MYT1L: variants seen among roughly 807,000 people sequenced by gnomAD.
MYT1L encodes the protein myelin transcription factor 1 like.
MYT1L carries 12 observed loss-of-function variants against 126.7 expected under a neutral mutation model. The ratio of observed to expected loss-of-function variants is 0.09; its 90% CI spans 0.06 to 0.15. The LOEUF is 0.15. Among genes scored for constraint, MYT1L ranks in the 10% least tolerant of loss-of-function variants. The pLI is 1.00. For missense variants in MYT1L, 979 were observed against 1,585.2 expected, an observed-to-expected ratio of 0.62 and a Z score of 6.49; for synonymous variants, 541 against 604.2, an observed-to-expected ratio of 0.90 and a Z score of 1.53.
chr2:1,868,170 C>T (rs1156231296), intron 18 of MYT1L, among the ~76,000 whole-genome samples: 3 of 152,110 alleles, frequency 2.0e-5, no homozygotes, highest in Non-Finnish European at 2.9e-5. Context: ...ACCAGGTTGG[C>T]CAGGCTGGTT....
chr2:2,204,671 C>A (rs1472919399), intron 2 of MYT1L, among the ~76,000 whole-genome samples: 4 of 151,144 alleles, frequency 2.6e-5, no homozygotes, highest in South Asian at 2.1e-4. Flanking sequence ...GTGGGACTGT[C>A]AACTAGTTCA....
intron 18 of MYT1L, among the ~76,000 whole-genome samples, chr2:1,856,159 A>G (rs1364664806): frequency 1.3e-5 from 2 of 152,150 alleles, no homozygotes; most frequent in Non-Finnish European, 2.9e-5. Context: ...AGCATTTGGA[A>G]CTCTGACTTT....
At chr2:2,271,719 TG>T (rs2095267126) in intron 2 of MYT1L, among the ~76,000 whole-genome samples, 1 of 152,096 alleles carries the variant, frequency 6.6e-6, no homozygotes, top group Non-Finnish European at 1.5e-5. Flanking sequence ...GGCTGTCAAA[TG>T]GCCACACTCG....
At position 2,322,038 on chromosome 2, in the gene MYT1L, C is replaced by T. The variant is rs983137448; in HGVS notation, c.-521+8929G>A. Among the ~76,000 whole-genome samples the T allele has an allele frequency of 7.9e-5, 12 of 152,148 alleles. No individual in the cohort carries two copies. In the East Asian group the frequency reaches 1.2e-3, roughly 15 times the overall value. ...GGCATTTAAAAAATACACATATACA[C>T]GCACTCACAAAATCATGGAAGAGGG... On this transcript the variant is annotated intron_variant, in intron 1 of 24. Transcript: ENST00000647738.
At position 1,984,671 on chromosome 2, in the gene MYT1L, G is replaced by C. The variant is rs546749815; in HGVS notation, c.1-4894C>G. On this transcript the variant is annotated intron_variant, in intron 5 of 24. Coordinates refer to ENST00000647738, the MANE Select transcript of MYT1L (RefSeq NM_001303052.2). ...ACTACAGGCGCCCGCCACCATGCCC[G>C]GCTAATTTTTTGTACTTTTAGTAGA... Among the ~76,000 whole-genome samples, 1,131 of 151,742 alleles carry C rather than the reference G, an allele frequency of 7.5e-3. 6 individuals carry two copies. The highest frequency in any genetic ancestry group is 0.011 in the Non-Finnish European group (733 of 67,938).
intron 3 of MYT1L, among the ~76,000 whole-genome samples, chr2:2,165,520 T>G (rs1458663196): frequency 6.6e-6 from 1 of 152,238 alleles, no homozygotes; most frequent in Non-Finnish European, 1.5e-5. Context: ...AAGTTAATAT[T>G]ATTTAAATCA....
chr2:1,853,234 C>T (rs1354769667), intron 18 of MYT1L, among the ~76,000 whole-genome samples: 2 of 152,188 alleles, frequency 1.3e-5, no homozygotes, highest in Non-Finnish European at 2.9e-5. Context: ...AAGGGTTCTT[C>T]TGTGTGCTCC....
intron 5 of MYT1L, among the ~76,000 whole-genome samples, chr2:1,980,289 T>C (rs1191221571): frequency 6.8e-6 from 1 of 146,772 alleles, no homozygotes; most frequent in Non-Finnish European, 1.5e-5. Context: ...ATATACATTA[T>C]ATATAATATA....
At chr2:2,292,088 T>A (rs903364894) in intron 1 of MYT1L, among the ~76,000 whole-genome samples, 6 of 152,056 alleles carry the variant, frequency 3.9e-5, no homozygotes, top group Non-Finnish European at 7.4e-5. Context: ...TCTGTTGGTG[T>A]GGAGCGGGAA....
chr2:2,152,102 A>G lies in MYT1L; in HGVS notation c.-304+20770T>C, dbSNP rs1261875611. 2.0e-5 allele frequency among the ~76,000 whole-genome samples: 3 copies of G among 152,246 alleles called. No individual in the cohort carries two copies. The East Asian group carries it at 5.8e-4, about 29-fold the overall frequency. ...AAGAAATAAAAATAGCACAACTATA[A>G]TAACATGCTAGCATCACCATTCTTG... On this transcript the variant is annotated intron_variant, in intron 3 of 24. Transcript: ENST00000647738.
chr2:1,942,339 C>A (rs1347084552), intron 9 of MYT1L, among the ~76,000 whole-genome samples: 1 of 152,212 alleles, frequency 6.6e-6, no homozygotes, highest in Non-Finnish European at 1.5e-5. Context: ...ATTCCCAACA[C>A]ACAGCATGGC....
intron 8 of MYT1L, among the ~76,000 whole-genome samples, chr2:1,964,874 C>A (rs73188466): frequency 0.049 from 7,508 of 152,166 alleles, 560 homozygotes; most frequent in African/African-American, 0.16. Flanking sequence ...CCCCTGCTGA[C>A]AAGGAGCTTG....
At chr2:2,263,568 C>G (rs2095046018) in intron 2 of MYT1L, among the ~76,000 whole-genome samples, 1 of 152,162 alleles carries the variant, frequency 6.6e-6, no homozygotes, top group Non-Finnish European at 1.5e-5. Flanking sequence ...GGGTTTGCAG[C>G]AGTGCCCGTT....
chr2:2,285,630 A>T (rs1285853358), intron 1 of MYT1L, among the ~76,000 whole-genome samples: 1 of 152,016 alleles, frequency 6.6e-6, no homozygotes, highest in Non-Finnish European at 1.5e-5. Flanking sequence ...TAGAAGCCAC[A>T]CTTTCTATTT....
rs532003882 is a variant in MYT1L at position 2,193,797 on chromosome 2, G to C, written c.-420-20809C>G. 3.3e-5 allele frequency among the ~76,000 whole-genome samples: 5 copies of C among 152,278 alleles called. No individual in the cohort carries two copies. The East Asian group carries it at 9.7e-4, about 29-fold the overall frequency. The stretch of plus-strand genomic sequence containing the variant: ...GGAAACAGTGAACGCTGGGTTTTAT[G>C]AGGGACGTTTTAGACACCTAGGGGT... On this transcript the variant is annotated intron_variant, in intron 2 of 24. Transcript: ENST00000647738.
intron 18 of MYT1L, among the ~76,000 whole-genome samples, chr2:1,866,108 G>A (rs1297283889): frequency 1.3e-5 from 2 of 152,192 alleles, no homozygotes; most frequent in Non-Finnish European, 2.9e-5. Context: ...GCAGCTCGAA[G>A]CATCCAGGAG....
At chr2:2,083,826 C>G (rs538796008) in intron 3 of MYT1L, among the ~76,000 whole-genome samples, 4 of 151,356 alleles carry the variant, frequency 2.6e-5, no homozygotes, top group African/African-American at 9.7e-5. Context: ...ACTGAGAGGG[C>G]TAACAAGGAA....
intron 2 of MYT1L, among the ~76,000 whole-genome samples, chr2:2,180,971 CCT>C (rs1277865202): frequency 5.2e-5 from 7 of 135,122 alleles, no homozygotes; most frequent in African/African-American, 1.7e-4. Context: ...TGTAACCGTA[CCT>C]GTGTGTGTAC....
intron 3 of MYT1L, among the ~76,000 whole-genome samples, chr2:2,079,569 G>T (rs1450284041): frequency 2.6e-5 from 4 of 152,234 alleles, no homozygotes; most frequent in African/African-American, 7.2e-5. Flanking sequence ...ACTGTGGGAG[G>T]CCAAGGCGGG....
Sources: gnomAD v4.1 joint callset for allele counts (sites outside exome capture counted in the v4.1 genomes callset) on GRCh38, gnomAD v4.1.1 for gene constraint, MANE v1.5 for transcripts, NCBI Gene and HGNC (gene_info 2026-07-23, HGNC 2026-07-21) for gene names.